RTN2: variants seen among roughly 807,000 people sequenced by gnomAD.
RTN2 encodes the protein reticulon 2, also known as reticulon-2.
RTN2 carries 36 observed loss-of-function variants against 63.7 expected under a neutral mutation model. The observed-to-expected ratio is 0.56, with a 90% confidence interval of 0.43 to 0.75. RTN2 has a LOEUF of 0.75. Among genes scored for constraint, RTN2 ranks in the 30% least tolerant of loss-of-function variants. The pLI is 0.00. For synonymous variants in RTN2, 312 were observed against 313.0 expected (o/e 1.00, Z 0.03); for missense variants, 673 against 705.1 (o/e 0.95, Z 0.52).
In RTN2 at chr19:45,490,535, C is replaced by G. The variant is rs146251419; in HGVS notation, c.1034-982G>C. Among the ~76,000 whole-genome samples, 1,044 of 145,856 alleles carry G rather than the reference C, an allele frequency of 7.2e-3. 36 individuals are homozygous for G. The East Asian group carries it at 0.082, about 11-fold the overall frequency. ...ATTGCTGGGTGGACTGGTTGTGTGT[C>G]TGTGTGTGTGTGTGTGTGTGTGTGT... On this transcript the variant is annotated intron_variant, in intron 5 of 10. Transcript: ENST00000245923.
Position 45,494,263 on chromosome 19 carries a change from T to C in RTN2, c.717A>G (p.Glu239=). 1 of 1,613,790 alleles carries C rather than the reference T, an allele frequency of 6.2e-7. No individual in the cohort carries two copies. Among genetic ancestry groups the C allele is most frequent in the South Asian group, 1.1e-5 (1 of 91,070 alleles). The change falls in exon 4 of 11, where the codon GAA becomes GAG. Residue 239 remains glutamate (E), a synonymous_variant. Coordinates refer to ENST00000245923, the MANE Select transcript of RTN2 (RefSeq NM_005619.5). This position sits in a 1 kb window ranked among gnomAD's most constrained non-coding sequence, Gnocchi z 5.3. ...SGPEEPLLEE[E]EKQWGPLERE... ...GCTCCAGTGGCCCCCACTGCTTTTC[T>C]TCCTCTTCCAGCAATGGCTCTTCGG...
rs375355105 is a variant in RTN2, at chr19:45,488,719, G to A, written c.1381-13C>T. ...AGAGGAGGGCCAGCTGGGGGTGAAGGTCAGGGTCAGCAGAGCCCACCGGGA... is the reference window on the plus strand; with the variant it reads ...AGAGGAGGGCCAGCTGGGGGTGAAGATCAGGGTCAGCAGAGCCCACCGGGA... On this transcript the variant is annotated splice_polypyrimidine_tract_variant and intron_variant, in intron 7 of 10. Transcript: ENST00000245923. 6.2e-7 allele frequency: 1 copy of A among 1,611,790 alleles called. No homozygotes were observed. Among genetic ancestry groups the A allele is most frequent in the African/African-American group, 1.3e-5 (1 of 74,804 alleles).
At chr19:45,486,732 C>CT (rs780069708) in intron 9 of RTN2, among the ~76,000 whole-genome samples, 19,397 of 121,296 alleles carry the variant, frequency 0.16, 2,193 homozygotes, top group East Asian at 0.38. Flanking sequence ...CTTTTTCTTT[C>CT]TTTCTTTTTT....
rs3038807 is a variant in RTN2, at chr19:45,496,962, A to AGCCGCCGCC, written c.-146_-138dup. The AGCCGCCGCC allele has an allele frequency of 1.8e-3, 621 of 336,570 alleles. 1 individual carries two copies. The highest frequency in any genetic ancestry group is 7.9e-3 in the Middle Eastern group (9 of 1,138). 20.8% of individuals were successfully genotyped at this position (336,570 alleles called of 1,614,324 possible). A position where few individuals can be genotyped will look rare whatever the true frequency, so the allele number is the denominator to read the frequency against. The stretch of plus-strand genomic sequence containing the variant: ...CCGCCTCCTCCTCCCGGGCTGCTCC[A>AGCCGCCGCC]GCCGCCGCCGCCGCCGCCGCCGCCG... On this transcript the variant is annotated 5_prime_UTR_variant, in exon 1 of 11. Coordinates refer to ENST00000245923, the MANE Select transcript of RTN2 (RefSeq NM_005619.5).
chr19:45,493,707 A>G (rs887461924), intron 4 of RTN2, among the ~76,000 whole-genome samples: 1 of 152,220 alleles, frequency 6.6e-6, no homozygotes, highest in African/African-American at 2.4e-5. Flanking sequence ...AAAATCAGCC[A>G]CTAGGAGGAG....
chr19:45,494,793 C>G lies in RTN2; in HGVS notation c.292G>C (p.Asp98His). 1.9e-6 allele frequency: 3 copies of G among 1,604,896 alleles called. No homozygotes were observed. Among genetic ancestry groups the G allele is most frequent in the South Asian group, 1.1e-5 (1 of 91,078 alleles). Reference protein sequence around the residue: ...PQGRSVSEPRDQHPQPSLGDS... With the variant: ...PQGRSVSEPRHQHPQPSLGDS... ...CCCAGGCTGGGCTGAGGGTGCTGGT[C>G]TCGTGGTTCCGAGACTGAGCGGCCC... The change falls in exon 3 of 11, where the codon GAC becomes CAC. Residue 98 changes from aspartate to histidine, a missense_variant. Physicochemically the swap from Asp to His is moderately conservative, Grantham distance 81. Coordinates refer to ENST00000245923, the MANE Select transcript of RTN2 (RefSeq NM_005619.5). The surrounding 1 kb of genome is among the most constrained non-coding windows in gnomAD (Gnocchi z 5.3).
intron 1 of RTN2, 25 bp from the exon 2 acceptor site, chr19:45,495,164 C>T: frequency 2.5e-6 from 4 of 1,613,184 alleles, no homozygotes; most frequent in Non-Finnish European, 3.4e-6. Context: ...GAATCGAAGA[C>T]TCTTAGAAGC....
chr19:45,494,410 T>C lies in RTN2; in HGVS notation c.570A>G (p.Leu190=). ...ATGAGGGCTGAGCAAGTCGGAGTCG[T>C]AGGTCCAGTTCTGATACGGTAGAGA... is the stretch of plus-strand genomic sequence containing the variant. The part of the protein sequence containing the change: ...ETGEAGEELD[L]RLRLAQPSSP... Residue 190 remains leucine, a synonymous_variant, in exon 4 of 11, where the codon CTA becomes CTG. Coordinates refer to ENST00000245923, the MANE Select transcript of RTN2 (RefSeq NM_005619.5). This position sits in a 1 kb window ranked among gnomAD's most constrained non-coding sequence, Gnocchi z 5.3. 1 of 1,612,570 alleles carries C rather than the reference T, an allele frequency of 6.2e-7. No homozygotes were observed. The highest frequency in any genetic ancestry group is 8.5e-7 in the Non-Finnish European group (1 of 1,178,860).
chr19:45,485,435 A>T lies in RTN2; in HGVS notation c.*273T>A. On this transcript the variant is annotated 3_prime_UTR_variant, in exon 11 of 11. Transcript: ENST00000245923. ...CCTCCAGCGGCGGGTCCGGAAGTGC[A>T]GGGTGGTGCCCTGTCTAGGCAACTA... The T allele has an allele frequency of 2.1e-6, 1 of 472,080 alleles. No individual in the cohort carries two copies. The allele number at this position is 472,080 out of a possible 1,614,324, so 29.2% of individuals were successfully genotyped here.
intron 9 of RTN2, among the ~76,000 whole-genome samples, chr19:45,486,732 CTTTCT>C: frequency 8.2e-6 from 1 of 121,784 alleles, no homozygotes; most frequent in South Asian, 2.6e-4. Context: ...CTTTTTCTTT[CTTTCT>C]TTTTTTTTTT....
chr19:45,494,014 G>T lies in RTN2; in HGVS notation c.814+152C>A. ...CGGGGAAATTTTTTTAAAAAGCGGA[G>T]TTTATCACGTCTAGCCAGATGTGAT... is the stretch of plus-strand genomic sequence containing the variant. On this transcript the variant is annotated intron_variant, in intron 4 of 10. Transcript: ENST00000245923. This position sits in a 1 kb window ranked among gnomAD's most constrained non-coding sequence, Gnocchi z 5.3. 1 of 1,273,708 alleles carries T rather than the reference G, an allele frequency of 7.9e-7. No individual in the cohort carries two copies. Among genetic ancestry groups the T allele is most frequent in the Non-Finnish European group, 1.1e-6 (1 of 930,346 alleles). 78.9% of individuals were successfully genotyped at this position (1,273,708 alleles called of 1,614,324 possible).
In RTN2 at chr19:45,493,233, T is replaced by C; in HGVS notation, c.960A>G (p.Leu320=). Residue 320 remains leucine (L), a synonymous_variant, in exon 5 of 11, where the codon CTA becomes CTG. Coordinates refer to ENST00000245923, the MANE Select transcript of RTN2 (RefSeq NM_005619.5). ...TTCTCGGGGATTTTGCCCACTTCAG[T>C]AGAACCCGGAGGACAGGAGTAGGGG... ...PTPPTPVLRV[L]LKWAKSPRSS... 1.2e-6 allele frequency: 2 copies of C among 1,613,764 alleles called. No homozygotes were observed. The highest frequency in any genetic ancestry group is 8.5e-7 in the Non-Finnish European group (1 of 1,179,996).
intron 5 of RTN2, 27 bp from the exon 6 acceptor site, chr19:45,489,580 C>T: frequency 1.1e-5 from 17 of 1,539,286 alleles, no homozygotes; most frequent in Non-Finnish European, 1.5e-5. Flanking sequence ...GGCATCAGGG[C>T]TTGTACCTGA....
In RTN2 at chr19:45,494,348, G is replaced by A. The variant is rs1968224847; in HGVS notation, c.632C>T (p.Ser211Phe). ...CGGAGTACCGGCCTGGGGTGTCCCA[G>A]AGCCCGGACTGAGCTGGGGAGTCAA... Reference protein sequence around the residue: ...EVLTPQLSPGSGTPQAGTPSP... With the variant: ...EVLTPQLSPGFGTPQAGTPSP... The change falls in exon 4 of 11, where the codon TCT (serine) becomes TTT (phenylalanine). Residue 211 changes from serine to phenylalanine, a missense_variant. Ser to Phe is a radical substitution (Grantham distance 155). Transcript: ENST00000245923. This position sits in a 1 kb window ranked among gnomAD's most constrained non-coding sequence, Gnocchi z 5.3. 6 of 1,614,192 alleles carry A rather than the reference G, an allele frequency of 3.7e-6. No homozygotes were observed. In the East Asian group the frequency reaches 1.3e-4, roughly 36 times the overall value.
rs552817133 is a variant in RTN2, at chr19:45,488,914, G to A, written c.1314C>T (p.Arg438=). Residue 438 remains arginine (R), a synonymous_variant, in exon 7 of 11, where the codon CGC becomes CGT. Coordinates refer to ENST00000245923, the MANE Select transcript of RTN2 (RefSeq NM_005619.5). The part of the protein sequence containing the change: ...TERLSHQITS[R]VVSAATQLRH... ...GCAGCTGCGTGGCCGCCGAGACCAC[G>A]CGGGAGGTGATCTGGTGGGACAAAC... 8.7e-6 allele frequency: 14 copies of A among 1,610,012 alleles called. No homozygotes were observed. The highest frequency in any genetic ancestry group is 4.5e-5 in the East Asian group (2 of 44,748).
chr19:45,494,396 G>T lies in RTN2; in HGVS notation c.584C>A (p.Ala195Asp), dbSNP rs1209415775. ...GEELDLRLRL[A>D]QPSSPEVLTP... is the part of the protein sequence containing the mutation. ...CAAGACCTCGGGCGATGAGGGCTGA[G>T]CAAGTCGGAGTCGTAGGTCCAGTTC... Residue 195 changes from alanine to aspartate, a missense_variant, in exon 4 of 11, where the codon GCT becomes GAT. Transcript: ENST00000245923. This position sits in a 1 kb window ranked among gnomAD's most constrained non-coding sequence, Gnocchi z 5.3. 2 of 1,613,482 alleles carry T rather than the reference G, an allele frequency of 1.2e-6. No homozygotes were observed. The highest frequency in any genetic ancestry group is 1.7e-6 in the Non-Finnish European group (2 of 1,179,584).
At chr19:45,485,942 G>T in intron 10 of RTN2, 113 bp downstream of exon 10, 1 of 1,251,584 alleles carries the variant, frequency 8.0e-7, no homozygotes, top group Non-Finnish European at 1.2e-6. Flanking sequence ...TGCCTCCTCA[G>T]CCTTTTCAAG....
chr19:45,495,855 C>T (rs535659578), intron 1 of RTN2, among the ~76,000 whole-genome samples: 1 of 152,256 alleles, frequency 6.6e-6, no homozygotes, highest in East Asian at 1.9e-4. Context: ...GAGAGACAGA[C>T]GAGGTGGTCC....
chr19:45,485,368 T>G lies in RTN2; in HGVS notation c.*340A>C. The G allele has an allele frequency of 3.4e-6, 1 of 293,372 alleles. No individual in the cohort carries two copies. Among genetic ancestry groups the G allele is most frequent in the Non-Finnish European group, 6.5e-6 (1 of 153,580 alleles). The allele number at this position is 293,372 out of a possible 1,614,324, so 18.2% of individuals were successfully genotyped here. A position where few individuals can be genotyped will look rare whatever the true frequency, so the allele number is the denominator to read the frequency against. On this transcript the variant is annotated 3_prime_UTR_variant, in exon 11 of 11. Transcript: ENST00000245923. ...CTGGGCCCCATGCAAAGCCCCGGCGTTGGGGCTAGTAGCATCCAGGAGACA... is the reference window on the plus strand; with the variant it reads ...CTGGGCCCCATGCAAAGCCCCGGCGGTGGGGCTAGTAGCATCCAGGAGACA...
Sources: allele counts gnomAD v4.1 joint callset (sites outside exome capture counted in the v4.1 genomes callset), GRCh38; gene constraint gnomAD v4.1.1; non-coding constraint Gnocchi (gnomAD v3.1); transcripts MANE v1.5; gene names NCBI Gene and HGNC (gene_info 2026-07-23, HGNC 2026-07-21).